Variants in REST observed in about 807,000 individuals in gnomAD.
REST encodes RE1-silencing transcription factor.
REST carries 1 observed loss-of-function variant against 30.4 expected under a neutral mutation model. The observed-to-expected ratio is 0.03, with a 90% confidence interval of 0.01 to 0.16. REST has a LOEUF of 0.16. REST is among the 10% of genes least tolerant of loss of function. REST has a pLI of 1.00. For missense variants in REST, 1,259 were observed against 1,329.5 expected (o/e 0.95, Z 0.82); for synonymous variants, 504 against 451.1 (o/e 1.12, Z -1.49).
chr4:56,930,103 T>C lies in REST; in HGVS notation c.1245T>C (p.Cys415=), dbSNP rs766680619. ...QYHFKSKHPT[C]PNKTMDVSKV... is the part of the protein sequence containing the mutation. ...ACTTCAAATCTAAGCATCCTACTTG[T>C]CCTAATAAAACAATGGATGTCTCAA... is the stretch of plus-strand genomic sequence containing the variant. The change falls in exon 4 of 4, where the codon TGT becomes TGC. Residue 415 remains cysteine, a synonymous_variant. Coordinates refer to ENST00000309042, the MANE Select transcript of REST (RefSeq NM_005612.5). The C allele has an allele frequency of 1.2e-6, 2 of 1,613,860 alleles. No individual in the cohort carries two copies. The highest frequency in any genetic ancestry group is 1.7e-6 in the Non-Finnish European group (2 of 1,180,004).
rs1021139471 is a variant in REST at position 56,919,951 on chromosome 4, C to A, written c.982+81C>A. 3 of 584,470 alleles carry A rather than the reference C, an allele frequency of 5.1e-6. No homozygotes were observed. The South Asian group carries it at 1.0e-4, about 20-fold the overall frequency. The allele number at this position is 584,470 out of a possible 1,614,324, so 36.2% of individuals were successfully genotyped here. On this transcript the variant is annotated intron_variant, in intron 3 of 3. Transcript: ENST00000309042. ...AATTCTTTTAGACTTGTAACCGAGT[C>A]ATTTACTTATTATTTATTTTTAATA...
intron 2 of REST, among the ~76,000 whole-genome samples, chr4:56,913,905 A>G (rs938239772): frequency 6.6e-6 from 1 of 151,790 alleles, no homozygotes; most frequent in Non-Finnish European, 1.5e-5. Flanking sequence ...CGGCCTCCCA[A>G]AGTGCTGGGA....
chr4:56,927,615 TG>T, intron 3 of REST: 1 of 1,168,348 alleles, frequency 8.6e-7, no homozygotes. Flanking sequence ...ATTGGACCAG[TG>T]GGGTATGGAT....
intron 3 of REST, among the ~76,000 whole-genome samples, chr4:56,923,742 G>C (rs1259021823): frequency 6.6e-6 from 1 of 151,358 alleles, no homozygotes; most frequent in Non-Finnish European, 1.5e-5. Flanking sequence ...TTTATTTATT[G>C]AGACTGAGTC....
Position 56,931,709 on chromosome 4 carries a change from A to G in REST, c.2851A>G (p.Thr951Ala), listed in dbSNP as rs199520565. 3.9e-5 allele frequency: 63 copies of G among 1,614,182 alleles called. No homozygotes were observed. In the African/African-American group the frequency reaches 7.2e-4, roughly 18 times the overall value. The change falls in exon 4 of 4, where the codon ACT becomes GCT. Residue 951 changes from threonine to alanine, a missense_variant. Physicochemically the swap from Thr to Ala is moderately conservative, Grantham distance 58. Around this residue, in one of 5 missense-constraint regions of REST, gnomAD observed 856 missense variants for 772.8 expected, o/e 1.11. Transcript: ENST00000309042. ...DSIVCEMKMD[T>A]DQNTRENLTG... is the part of the protein sequence containing the mutation. ...TATAGTTTGTGAAATGAAAATGGAC[A>G]CTGATCAGAACACAAGAGAGAATCT...
Position 56,911,008 on chromosome 4 carries a change from G to C in REST, c.370G>C (p.Val124Leu), listed in dbSNP as rs1719877413. 9.3e-6 allele frequency: 15 copies of C among 1,614,192 alleles called. No homozygotes were observed. The highest frequency in any genetic ancestry group is 1.3e-5 in the Non-Finnish European group (15 of 1,180,044). Residue 124 changes from valine to leucine, a missense_variant, in exon 2 of 4, where the codon GTA (valine) becomes CTA (leucine). By Grantham distance (32) the Val-to-Leu change is conservative. Coordinates refer to ENST00000309042, the MANE Select transcript of REST (RefSeq NM_005612.5). The stretch of plus-strand genomic sequence containing the variant: ...ACTCAGCGTCGTAGAACCTCAGCCT[G>C]TATTTGAGGCATCAGGTGCTCCAGA... ...LELSVVEPQP[V>L]FEASGAPDIY...
chr4:56,927,430 G>A (rs1720763373), intron 3 of REST, among the ~76,000 whole-genome samples: 1 of 152,208 alleles, frequency 6.6e-6, no homozygotes. Context: ...CCTGGATAAG[G>A]TGATTATTTT....
At chr4:56,919,498 CTACT>C (rs1720354359) in intron 2 of REST, among the ~76,000 whole-genome samples, 1 of 152,134 alleles carries the variant, frequency 6.6e-6, no homozygotes, top group Non-Finnish European at 1.5e-5. Context: ...TTACTTATCA[CTACT>C]TAATGTATTA....
Position 56,931,395 on chromosome 4 carries a change from A to C in REST, c.2537A>C (p.Lys846Thr), listed in dbSNP as rs1720965474. The change falls in exon 4 of 4, where the codon AAA becomes ACA. Residue 846 changes from lysine (K) to threonine (T), a missense_variant. Physicochemically the swap from Lys to Thr is moderately conservative, Grantham distance 78. Transcript: ENST00000309042. Reference sequence around the variant, plus strand: ...ATTGAAGTTGGCTTAGTGCCTGTTAAAGATAGCTGGCTTCTAAAGGAAAGT... The same window carrying C: ...ATTGAAGTTGGCTTAGTGCCTGTTACAGATAGCTGGCTTCTAAAGGAAAGT... ...VLIEVGLVPV[K>T]DSWLLKESVS... 6.2e-7 allele frequency: 1 copy of C among 1,614,248 alleles called. No homozygotes were observed. The highest frequency in any genetic ancestry group is 8.5e-7 in the Non-Finnish European group (1 of 1,180,044).
At position 56,929,939 on chromosome 4, in the gene REST, C is replaced by T. The variant is rs1208548556; in HGVS notation, c.1081C>T (p.Leu361Phe). The T allele has an allele frequency of 1.2e-6, 2 of 1,614,172 alleles. No homozygotes were observed. The highest frequency in any genetic ancestry group is 1.7e-6 in the Non-Finnish European group (2 of 1,180,036). The change falls in exon 4 of 4, where the codon CTT (leucine) becomes TTT (phenylalanine). Residue 361 changes from leucine (L) to phenylalanine (F), a missense_variant. Physicochemically the swap from Leu to Phe is conservative, Grantham distance 22 (BLOSUM62 0). Transcript: ENST00000309042. Reference sequence around the variant, plus strand: ...ACAGGTTCACAATGGGCCTAAACCTCTTAATTGCCCACACTGTGATTACAA... The same window carrying T: ...ACAGGTTCACAATGGGCCTAAACCTTTTAATTGCCCACACTGTGATTACAA... ...ARQVHNGPKP[L>F]NCPHCDYKTA...
chr4:56,921,079 T>C (rs573455839), intron 3 of REST, among the ~76,000 whole-genome samples: 8 of 152,176 alleles, frequency 5.3e-5, no homozygotes, highest in Non-Finnish European at 8.8e-5. Flanking sequence ...TTGGTCAGGC[T>C]GGTCTCGAAC....
In REST at chr4:56,932,217, G is replaced by T; in HGVS notation, c.*65G>T. On this transcript the variant is annotated 3_prime_UTR_variant, in exon 4 of 4. Coordinates refer to ENST00000309042, the MANE Select transcript of REST (RefSeq NM_005612.5). ...TATATTACATTTTATATTCATTTAT[G>T]ATAGCAGACAACCTTTTAAGATTGC... The T allele has an allele frequency of 6.8e-7, 1 of 1,481,394 alleles. No individual in the cohort carries two copies. Among genetic ancestry groups the T allele is most frequent in the Non-Finnish European group, 9.1e-7 (1 of 1,104,782 alleles). The allele number at this position is 1,481,394 out of a possible 1,614,324, so 91.8% of individuals were successfully genotyped here.
chr4:56,916,743 T>A (rs867114755), intron 2 of REST, among the ~76,000 whole-genome samples: 4 of 152,266 alleles, frequency 2.6e-5, no homozygotes. Context: ...AGTTTACATA[T>A]GCAGTTCACT....
chr4:56,921,409 TA>T (rs1720445325), intron 3 of REST, among the ~76,000 whole-genome samples: 4 of 152,174 alleles, frequency 2.6e-5, no homozygotes, highest in Admixed American at 2.6e-4. Flanking sequence ...TTTATTTTAT[TA>T]TTATTTTTTT....
chr4:56,911,399 C>T lies in REST; in HGVS notation c.761C>T (p.Thr254Ile). 6.2e-7 allele frequency: 1 copy of T among 1,614,192 alleles called. No homozygotes were observed. The highest frequency in any genetic ancestry group is 8.5e-7 in the Non-Finnish European group (1 of 1,180,038). ...NERVYKCIIC[T>I]YTTVSEYHWR... ...CGAGTCTACAAGTGTATCATTTGCA[C>T]ATACACAACAGTGAGCGAGTATCAC... Residue 254 changes from threonine to isoleucine, a missense_variant, in exon 2 of 4, where the codon ACA (threonine) becomes ATA (isoleucine). Physicochemically the swap from Thr to Ile is moderately conservative, Grantham distance 89 (BLOSUM62 -1). Around this residue, in one of 5 missense-constraint regions of REST, gnomAD observed 125 missense variants for 255.4 expected, o/e 0.49. Transcript: ENST00000309042.
At chr4:56,921,398 T>A (rs966505643) in intron 3 of REST, among the ~76,000 whole-genome samples, 1 of 152,148 alleles carries the variant, frequency 6.6e-6, no homozygotes, top group Admixed American at 6.6e-5. Context: ...ATTTTTTAAA[T>A]TTTATTTTAT....
chr4:56,919,825 A>G lies in REST; in HGVS notation c.937A>G (p.Ser313Gly). Reference sequence around the variant, plus strand: ...TAAATGTGAACTTTGTCCTTACTCAAGTTCTCAGAAGACTCATCTAACTAG... The same window carrying G: ...TAAATGTGAACTTTGTCCTTACTCAGGTTCTCAGAAGACTCATCTAACTAG... The part of the protein sequence containing the change: ...PYKCELCPYS[S>G]SQKTHLTRHM... The change falls in exon 3 of 4, where the codon AGT becomes GGT. Residue 313 changes from serine (S) to glycine (G), a missense_variant. By Grantham distance (56) the Ser-to-Gly change is moderately conservative. Transcript: ENST00000309042. The G allele has an allele frequency of 6.2e-7, 1 of 1,609,580 alleles. No individual in the cohort carries two copies. The highest frequency in any genetic ancestry group is 8.5e-7 in the Non-Finnish European group (1 of 1,176,958).
chr4:56,919,975 T>C (rs113289707), intron 3 of REST, 105 bp downstream of exon 3: 2 of 490,866 alleles, frequency 4.1e-6, no homozygotes, highest in African/African-American at 3.9e-5. Context: ...TTATTTTTAA[T>C]ATAATTTAGA....
At chr4:56,921,688 G>A (rs1720459729) in intron 3 of REST, among the ~76,000 whole-genome samples, 1 of 152,196 alleles carries the variant, frequency 6.6e-6, no homozygotes, top group African/African-American at 2.4e-5. Flanking sequence ...GGGATTACAG[G>A]TGTGAGCCAC....
Sources: allele counts gnomAD v4.1 joint callset (sites outside exome capture counted in the v4.1 genomes callset), GRCh38; gene constraint gnomAD v4.1.1; regional missense constraint gnomAD v4.1.1; transcripts MANE v1.5; gene names NCBI Gene and HGNC (gene_info 2026-07-23, HGNC 2026-07-21).